The following BRWD1 variants were observed in gnomAD, a reference collection of about 807,000 sequenced individuals.
The protein encoded by BRWD1 is bromodomain and WD repeat-containing protein 1.
In BRWD1, 82 loss-of-function variants were observed where a neutral mutation model predicts 251.2. The ratio of observed to expected loss-of-function variants is 0.33; its 90% CI spans 0.27 to 0.39. The LOEUF (loss-of-function observed/expected upper bound fraction) is 0.39, where lower values mean the gene tolerates loss of function less well. Among genes scored for constraint, BRWD1 ranks in the 10% least tolerant of loss-of-function variants. The pLI, the probability that BRWD1 is intolerant of heterozygous loss-of-function variation, is 1.00. For synonymous variants in BRWD1, 918 were observed against 902.8 expected, an observed-to-expected ratio of 1.02 and a Z score of -0.30; for missense variants, 2,233 against 2,711.6, an observed-to-expected ratio of 0.82 and a Z score of 3.92.
intron 12 of BRWD1, among the ~76,000 whole-genome samples, chr21:39,274,969 G>T (rs2178838): frequency 0.1 from 15,485 of 152,100 alleles, 918 homozygotes; most frequent in East Asian, 0.14. Flanking sequence ...GAACCCAGGA[G>T]GGGGAGGTTG....
rs142939650 is a variant in BRWD1 at position 39,274,810 on chromosome 21, G to A, written c.1146-338C>T. Reference sequence around the variant, plus strand: ...TAATCCCAGCACTTTGGGAGGCCAAGGTGGGTGGATCACAAGGTCAGGAGT... The same window carrying A: ...TAATCCCAGCACTTTGGGAGGCCAAAGTGGGTGGATCACAAGGTCAGGAGT... On this transcript the variant is annotated intron_variant, in intron 12 of 40. Transcript: ENST00000342449. 7.2e-5 allele frequency among the ~76,000 whole-genome samples: 11 copies of A among 152,320 alleles called. 1 individual carries two copies. Among genetic ancestry groups the A allele is most frequent in the African/African-American group, 2.6e-4 (11 of 41,572 alleles).
intron 17 of BRWD1, among the ~76,000 whole-genome samples, chr21:39,264,233 A>AT (rs906061825): frequency 2.0e-5 from 3 of 152,182 alleles, no homozygotes; most frequent in African/African-American, 7.2e-5. Context: ...CCTAATTGTC[A>AT]TAAGTGTCTA....
Position 39,192,663 on chromosome 21 carries a change from G to A in BRWD1, c.*3596C>T. 1 of 984,884 alleles carries A rather than the reference G, an allele frequency of 1.0e-6. No homozygotes were observed. Among genetic ancestry groups the A allele is most frequent in the Non-Finnish European group, 1.2e-6 (1 of 829,624 alleles). 61.0% of individuals were successfully genotyped at this position (984,884 alleles called of 1,614,324 possible). A position where few individuals can be genotyped will look rare whatever the true frequency, so the allele number is the denominator to read the frequency against. On this transcript the variant is annotated 3_prime_UTR_variant, in exon 41 of 41. Transcript: ENST00000342449. ...TACTATTCATGAAAAGAATGGAGCTGGTTATTTCAGCTTTAAAAGGGCAAA... is the reference window on the plus strand; with the variant it reads ...TACTATTCATGAAAAGAATGGAGCTAGTTATTTCAGCTTTAAAAGGGCAAA...
In BRWD1 at chr21:39,190,296, T is replaced by G. The variant is rs1160052225; in HGVS notation, c.*5963A>C. ...ACAATATTTCATCATACAAAACTGT[T>G]TTCCTAAATTCAAAGTAAACTGCAT... On this transcript the variant is annotated 3_prime_UTR_variant, in exon 41 of 41. Transcript: ENST00000342449. 1.0e-6 allele frequency: 1 copy of G among 984,880 alleles called. No homozygotes were observed. Among genetic ancestry groups the G allele is most frequent in the Non-Finnish European group, 1.2e-6 (1 of 829,586 alleles). 61.0% of individuals were successfully genotyped at this position (984,880 alleles called of 1,614,324 possible). A position where few individuals can be genotyped will look rare whatever the true frequency, so the allele number is the denominator to read the frequency against.
intron 21 of BRWD1, among the ~76,000 whole-genome samples, chr21:39,245,326 T>C (rs986456770): frequency 2.2e-4 from 34 of 152,304 alleles, no homozygotes; most frequent in African/African-American, 4.3e-4. Context: ...TTTAAACACA[T>C]TGCATTACTG....
At chr21:39,294,632 G>C (rs1000370324) in intron 7 of BRWD1, among the ~76,000 whole-genome samples, 2 of 147,610 alleles carry the variant, frequency 1.4e-5, no homozygotes, top group African/African-American at 2.5e-5. Context: ...TCCAGCCTAG[G>C]TGACAGAGTG....
chr21:39,205,827 C>T (rs1057389094), intron 37 of BRWD1, among the ~76,000 whole-genome samples: 6 of 152,028 alleles, frequency 3.9e-5, no homozygotes, highest in Admixed American at 6.5e-5. Context: ...CACCTGTAAT[C>T]CCAACATTGT....
Position 39,210,207 on chromosome 21 carries a change from T to G in BRWD1, c.4045-60A>C, listed in dbSNP as rs948501866. 49 of 1,383,440 alleles carry G rather than the reference T, an allele frequency of 3.5e-5. 1 individual carries two copies. The highest frequency in any genetic ancestry group is 1.2e-4 in the South Asian group (9 of 75,508). 85.7% of individuals were successfully genotyped at this position (1,383,440 alleles called of 1,614,324 possible). ...CATTTCTTGCTTTTAGAAATGTAAA[T>G]GCATCAGATCTCTAAAAAATGTGAA... is the stretch of plus-strand genomic sequence containing the variant. On this transcript the variant is annotated intron_variant, in intron 35 of 40. Coordinates refer to ENST00000342449, the MANE Select transcript of BRWD1 (RefSeq NM_033656.4).
Position 39,196,601 on chromosome 21 carries a change from T to C in BRWD1, c.6468A>G (p.Lys2156=). 1.2e-6 allele frequency: 2 copies of C among 1,613,488 alleles called. No individual in the cohort carries two copies. The highest frequency in any genetic ancestry group is 1.7e-6 in the Non-Finnish European group (2 of 1,179,758). The change falls in exon 41 of 41, where the codon AAA becomes AAG. Residue 2156 remains lysine, a synonymous_variant. Transcript: ENST00000342449. The part of the protein sequence containing the change: ...NSKFRPDTSS[K]SSDLGSVTES... ...CAGTTACAGATCCCAAATCTGATGA[T>C]TTGGAACTAGTATCAGGTCTAAACT...
At chr21:39,232,121 A>C in intron 25 of BRWD1, 56 bp downstream of exon 25, 3 of 1,279,040 alleles carry the variant, frequency 2.3e-6, no homozygotes, top group Non-Finnish European at 3.3e-6. Flanking sequence ...ATTTGTAAGT[A>C]ATTTAACTAT....
chr21:39,313,884 C>A (rs577089632), upstream of BRWD1: 1 of 323,470 alleles, frequency 3.1e-6, no homozygotes, highest in Non-Finnish European at 5.9e-6. Flanking sequence ...CGCAATGAGG[C>A]GGCTGCCCGG....
In BRWD1 at chr21:39,187,241, CT is replaced by C; in HGVS notation, c.*9017del. 1 of 1,613,798 alleles carries C rather than the reference CT, an allele frequency of 6.2e-7. No homozygotes were observed. Among genetic ancestry groups the C allele is most frequent in the Non-Finnish European group, 8.5e-7 (1 of 1,179,872 alleles). On this transcript the variant is annotated 3_prime_UTR_variant, in exon 41 of 41. Coordinates refer to ENST00000342449, the MANE Select transcript of BRWD1 (RefSeq NM_033656.4). ...ACATTTTCTGGTCCTGAGATCGTTT[CT>C]TTTAGATTACTCATTATCTTTATTT...
chr21:39,230,530 C>T (rs2836949), intron 25 of BRWD1, among the ~76,000 whole-genome samples: 2 of 151,920 alleles, frequency 1.3e-5, no homozygotes, highest in African/African-American at 2.4e-5. Flanking sequence ...CCAGTGCATA[C>T]GTAACTTGGT....
Position 39,276,186 on chromosome 21 carries a change from T to C in BRWD1, c.1132A>G (p.Asn378Asp), listed in dbSNP as rs1368638895. Residue 378 changes from asparagine (N) to aspartate (D), a missense_variant, in exon 12 of 41, where the codon AAC becomes GAC. Physicochemically the swap from Asn to Asp is conservative, Grantham distance 23 (BLOSUM62 1). Around this residue, in one of 12 missense-constraint regions of BRWD1, gnomAD observed 315 missense variants for 421.8 expected, o/e 0.75. Transcript: ENST00000342449. ...TDKVDSIQFCNNGDRFLSGSR... is the reference protein window; with the variant it reads ...TDKVDSIQFCDNGDRFLSGSR... ...ACACACACTTACCGATCACCATTGTTACAAAATTGGATACTATCTACTTTA... is the reference window on the plus strand; with the variant it reads ...ACACACACTTACCGATCACCATTGTCACAAAATTGGATACTATCTACTTTA... The C allele has an allele frequency of 6.2e-7, 1 of 1,607,996 alleles. No individual in the cohort carries two copies. The highest frequency in any genetic ancestry group is 8.5e-7 in the Non-Finnish European group (1 of 1,176,352).
chr21:39,313,230 C>A lies in BRWD1; in HGVS notation c.108+11G>T. ...CGCCAAGTCCGCAGCCGCCCGCGGG[C>A]CCGCACTCACCTGGGCCGCTCTCCG... On this transcript the variant is annotated intron_variant, in intron 2 of 40. Transcript: ENST00000342449. 6.5e-7 allele frequency: 1 copy of A among 1,532,584 alleles called. No homozygotes were observed. The highest frequency in any genetic ancestry group is 2.6e-5 in the East Asian group (1 of 39,176). 94.9% of individuals were successfully genotyped at this position (1,532,584 alleles called of 1,614,324 possible). A position where few individuals can be genotyped will look rare whatever the true frequency, so the allele number is the denominator to read the frequency against.
intron 3 of BRWD1, 39 bp from the exon 4 acceptor site, chr21:39,312,939 C>T (rs776583638): frequency 4.1e-6 from 4 of 982,958 alleles, no homozygotes; most frequent in South Asian, 6.1e-5. Flanking sequence ...ACCACCCCTC[C>T]GGCGCGGGGG....
In BRWD1 at chr21:39,276,151, CACAT is replaced by C; in HGVS notation, c.1145+18_1145+21del. The C allele has an allele frequency of 6.3e-7, 1 of 1,597,758 alleles. No individual in the cohort carries two copies. Among genetic ancestry groups the C allele is most frequent in the African/African-American group, 1.3e-5 (1 of 74,602 alleles). On this transcript the variant is annotated intron_variant, in intron 12 of 40. Transcript: ENST00000342449. ...ATATTTGCCTAATAACACACACACACACATACAAAACACACACTTACCGATCACC... is the reference window on the plus strand; with the variant it reads ...ATATTTGCCTAATAACACACACACACACAAAACACACACTTACCGATCACC...
chr21:39,301,643 G>A (rs370782723), intron 4 of BRWD1, among the ~76,000 whole-genome samples: 12 of 152,120 alleles, frequency 7.9e-5, no homozygotes, highest in Non-Finnish European at 1.2e-4. Context: ...TGTCTGGACC[G>A]CTGACTTACA....
chr21:39,258,100 ACTAAG>A (rs1335012474), intron 18 of BRWD1, among the ~76,000 whole-genome samples: 1 of 152,200 alleles, frequency 6.6e-6, no homozygotes, highest in African/African-American at 2.4e-5. Flanking sequence ...CTGAAAACTC[ACTAAG>A]TTTTCAAACT....
Sources: allele counts gnomAD v4.1 joint callset (sites outside exome capture counted in the v4.1 genomes callset), GRCh38; gene constraint gnomAD v4.1.1; regional missense constraint gnomAD v4.1.1; transcripts MANE v1.5; gene names NCBI Gene and HGNC (gene_info 2026-07-23, HGNC 2026-07-21).